INSL6: variants seen among roughly 807,000 people sequenced by gnomAD.
INSL6 encodes insulin like 6, also known as insulin-like peptide INSL6.
A neutral mutation model predicts 9.4 loss-of-function variants in INSL6; 16 were observed. The observed-to-expected ratio is 1.70, with a 90% CI of 1.15 to 2.59. The LOEUF (loss-of-function observed/expected upper bound fraction) is 2.59, where lower values mean the gene tolerates loss of function less well. INSL6 is among the 30% of genes most tolerant of loss of function. The pLI is 0.00. For synonymous variants in INSL6, 154 were observed against 96.9 expected (o/e 1.59, Z -3.46); for missense variants, 391 against 257.3 (o/e 1.52, Z -3.56).
At chr9:5,143,748 C>G (rs1324878305) in intron 2 of INSL6, among the ~76,000 whole-genome samples, 1 of 151,262 alleles carries the variant, frequency 6.6e-6, no homozygotes, top group Non-Finnish European at 1.5e-5. Context: ...CAACCTCCAC[C>G]TGCTGGGTTC....
chr9:5,068,977 C>A, the INSL6 span: 2 of 1,076,060 alleles, frequency 1.9e-6, no homozygotes, highest in South Asian at 1.6e-5. Context: ...ACTGTGATGT[C>A]CATTGTGACT....
chr9:5,100,265 A>G, the INSL6 span: 1 of 152,248 alleles, frequency 6.6e-6, no homozygotes. Context: ...CTTGCCATAT[A>G]GTCAAACCCA....
At chr9:5,112,094 A>T in the INSL6 span, 8 of 361,536 alleles carry the variant, frequency 2.2e-5, no homozygotes, top group Non-Finnish European at 4.4e-5. Context: ...AAGACCACCT[A>T]CCTGAACGAG....
Position 5,185,454 on chromosome 9 carries a change from C to T in INSL6, c.149G>A (p.Trp50Ter), listed in dbSNP as rs1424279175. 1 of 1,614,188 alleles carries T rather than the reference C, an allele frequency of 6.2e-7. No individual in the cohort carries two copies. Residue 50 changes from tryptophan to a stop codon, truncating the protein, a stop_gained, in exon 1 of 2, where the codon TGG becomes TAG. Coordinates refer to ENST00000381641, the MANE Select transcript of INSL6 (RefSeq NM_007179.3). LOFTEE classifies it high-confidence loss of function. Reference sequence around the variant, plus strand: ...TTCCTCCTCGAAACGGAACTGGCTCCAGTTGGCATGGCCGCAGAGTTTTTC... The same window carrying T: ...TTCCTCCTCGAAACGGAACTGGCTCTAGTTGGCATGGCCGCAGAGTTTTTC... ...EIEKLCGHAN[W>*]SQFRFEEETP... is the part of the protein sequence containing the mutation.
At chr9:5,072,520 C>G in the INSL6 span, 5 of 1,595,384 alleles carry the variant, frequency 3.1e-6, no homozygotes, top group Non-Finnish European at 4.3e-6. Context: ...GGCACTTTTA[C>G]AAAGATTTTT....
chr9:5,183,897 T>A (rs1363947045), intron 1 of INSL6, among the ~76,000 whole-genome samples: 1 of 152,184 alleles, frequency 6.6e-6, no homozygotes, highest in African/African-American at 2.4e-5. Flanking sequence ...CCAGGTCTAC[T>A]AACTCAGAGT....
the INSL6 span, among the ~76,000 whole-genome samples, chr9:5,104,363 G>T: frequency 6.6e-6 from 1 of 152,132 alleles, no homozygotes; most frequent in Non-Finnish European, 1.5e-5. Context: ...GACTAAACCA[G>T]GAAGAAGTTG....
chr9:5,134,684 G>A (rs933522921), intron 2 of INSL6, among the ~76,000 whole-genome samples: 3 of 152,152 alleles, frequency 2.0e-5, no homozygotes, highest in African/African-American at 7.2e-5. Flanking sequence ...AGCTCCTGAA[G>A]GAAGCACTAA....
chr9:5,180,659 T>C (rs545779906), intron 1 of INSL6, among the ~76,000 whole-genome samples: 2 of 152,196 alleles, frequency 1.3e-5, no homozygotes, highest in Middle Eastern at 3.4e-3. Flanking sequence ...CCTGGTAAAT[T>C]TGTGGTCAGA....
At chr9:5,027,077 A>T in the INSL6 span, among the ~76,000 whole-genome samples, 2 of 152,186 alleles carry the variant, frequency 1.3e-5, no homozygotes, top group African/African-American at 4.8e-5. Flanking sequence ...TTTTTATTAT[A>T]CCTCCAGTTC....
At chr9:5,008,101 C>T in the INSL6 span, among the ~76,000 whole-genome samples, 1 of 152,164 alleles carries the variant, frequency 6.6e-6, no homozygotes, top group Non-Finnish European at 1.5e-5. Flanking sequence ...CTGAGTTTCA[C>T]ATTTTTATGC....
At chr9:5,022,297 T>G in the INSL6 span, 3 of 832,106 alleles carry the variant, frequency 3.6e-6, no homozygotes, top group African/African-American at 5.3e-5. Flanking sequence ...ATGCATAATA[T>G]ATATTTTTAT....
chr9:5,103,266 C>T, the INSL6 span, among the ~76,000 whole-genome samples: 1 of 96,136 alleles, frequency 1.0e-5, no homozygotes, highest in Admixed American at 1.2e-4. Flanking sequence ...GCAGGAGTTG[C>T]AATCCCGGTC....
intron 1 of INSL6, among the ~76,000 whole-genome samples, chr9:5,173,115 C>A (rs1362173003): frequency 2.6e-5 from 4 of 152,036 alleles, no homozygotes; most frequent in Non-Finnish European, 4.4e-5. Context: ...AGTCAAGAAA[C>A]AACAGATGCT....
chr9:5,041,507 A>G, the INSL6 span: 15 of 569,358 alleles, frequency 2.6e-5, no homozygotes, highest in East Asian at 5.3e-4. Flanking sequence ...TCGGGGACAC[A>G]TAGCGCGCCA....
the INSL6 span, among the ~76,000 whole-genome samples, chr9:5,116,075 C>G: frequency 1.3e-5 from 2 of 151,562 alleles, no homozygotes; most frequent in Non-Finnish European, 2.9e-5. Context: ...AAAAAAAAAA[C>G]AGTGAACATT....
At chr9:5,097,197 C>T in the INSL6 span, 1 of 152,186 alleles carries the variant, frequency 6.6e-6, no homozygotes, top group Non-Finnish European at 1.5e-5. Flanking sequence ...ATCCCAATAT[C>T]AAACACCCCT....
chr9:5,041,305 G>T, the INSL6 span: 4 of 834,892 alleles, frequency 4.8e-6, no homozygotes, highest in Non-Finnish European at 7.8e-6. Flanking sequence ...GGACCAAGAA[G>T]CACATCCCGT....
intron 1 of INSL6, among the ~76,000 whole-genome samples, chr9:5,172,042 AG>A (rs1326788970): frequency 5.9e-5 from 9 of 152,348 alleles, no homozygotes; most frequent in Admixed American, 4.6e-4. Context: ...CTAAGCAAAA[AG>A]AACAAAGCTG....
Sources: allele counts gnomAD v4.1 joint callset (sites outside exome capture counted in the v4.1 genomes callset), GRCh38; gene constraint gnomAD v4.1.1; transcripts MANE v1.5; gene names NCBI Gene and HGNC (gene_info 2026-07-23, HGNC 2026-07-21).